The following KLHL30 variants were observed in gnomAD, a reference collection of about 807,000 sequenced individuals.
The protein encoded by KLHL30 is kelch-like protein 30.
KLHL30 carries 55 observed loss-of-function variants against 55.0 expected under a neutral mutation model. The ratio of observed to expected loss-of-function variants is 1.00; its 90% CI spans 0.80 to 1.25. The LOEUF is 1.25. Ranked by LOEUF, KLHL30 falls within the 50% of genes most tolerant of loss-of-function variation. KLHL30 has a pLI of 0.00. For synonymous variants in KLHL30, 356 were observed against 372.6 expected (o/e 0.96, Z 0.51); for missense variants, 786 against 811.6 (o/e 0.97, Z 0.38).
Position 238,152,789 on chromosome 2 carries a change from T to C in KLHL30, c.*1724T>C, listed in dbSNP as rs544201257. The stretch of plus-strand genomic sequence containing the variant: ...GCAAGGGTGAGGGTTTCTGGGGCCC[T>C]GGGCTCTGTTTCCATGTGGAAATCT... On this transcript the variant is annotated 3_prime_UTR_variant, in exon 8 of 8. Transcript: ENST00000409223. 6.6e-6 allele frequency: 1 copy of C among 152,310 alleles called. No homozygotes were observed. Among genetic ancestry groups the C allele is most frequent in the East Asian group, 1.9e-4 (1 of 5,170 alleles). 9.4% of individuals were successfully genotyped at this position (152,310 alleles called of 1,614,324 possible). A position where few individuals can be genotyped will look rare whatever the true frequency, so the allele number is the denominator to read the frequency against.
In KLHL30 at chr2:238,144,427, G is replaced by GC. The variant is rs1426589721; in HGVS notation, c.908-475_908-474insC. Among the ~76,000 whole-genome samples, 507 of 98,990 alleles carry GC rather than the reference G, an allele frequency of 5.1e-3. 1 individual carries two copies. Among genetic ancestry groups the GC allele is most frequent in the African/African-American group, 8.2e-3 (207 of 25,210 alleles). The allele number at this position is 98,990 out of a possible 152,430, so 64.9% of individuals were successfully genotyped here. ...GGAAGGAAGGAAGGAAGGAAGGAAG[G>GC]AAGGAAGGCAGGCAGGCAGGCAGGC... On this transcript the variant is annotated intron_variant, in intron 3 of 7. Transcript: ENST00000409223.
At chr2:238,146,490 T>G (rs1692650674) in intron 5 of KLHL30, among the ~76,000 whole-genome samples, 1 of 151,386 alleles carries the variant, frequency 6.6e-6, no homozygotes, top group African/African-American at 2.4e-5. Context: ...CTCTGCAACC[T>G]CCATCTTCCA....
intron 5 of KLHL30, among the ~76,000 whole-genome samples, chr2:238,146,149 C>T (rs1324960918): frequency 6.6e-6 from 1 of 152,082 alleles, no homozygotes; most frequent in African/African-American, 2.4e-5. Context: ...GGGACGGCCA[C>T]ACCCACCCAC....
At position 238,150,847 on chromosome 2, in the gene KLHL30, G is replaced by A. The variant is rs773445797; in HGVS notation, c.1519G>A (p.Ala507Thr). 16 of 1,592,006 alleles carry A rather than the reference G, an allele frequency of 1.0e-5. No individual in the cohort carries two copies. The highest frequency in any genetic ancestry group is 3.5e-5 in the Admixed American group (2 of 57,072). ...ACAGCACAGCCTGCATGAGAATGGC[G>A]CGCTGGTGCCACTGGGTGATGCGCT... The part of the protein sequence containing the change: ...QSQHSLHENG[A>T]LVPLGDALYV... The change falls in exon 8 of 8, where the codon GCG becomes ACG. Residue 507 changes from alanine to threonine, a missense_variant. Transcript: ENST00000409223.
chr2:238,150,589 G>C (rs1692735993), intron 7 of KLHL30, among the ~76,000 whole-genome samples: 1 of 152,180 alleles, frequency 6.6e-6, no homozygotes, highest in Non-Finnish European at 1.5e-5. Context: ...CATCCCAAGG[G>C]CTGAGGGTCA....
intron 3 of KLHL30, among the ~76,000 whole-genome samples, chr2:238,144,402 G>GGAAT (rs1559275847): frequency 2.4e-4 from 27 of 114,458 alleles, no homozygotes; most frequent in Admixed American, 1.3e-3. Flanking sequence ...AAGGAAGGAA[G>GGAAT]GAAGGAAGGA....
At chr2:238,149,249 G>A in intron 7 of KLHL30, 97 bp downstream of exon 7, 7 of 1,508,892 alleles carry the variant, frequency 4.6e-6, no homozygotes, top group Non-Finnish European at 6.3e-6. Context: ...TGCCACAGAG[G>A]GCCCACTGCG....
intron 6 of KLHL30, 36 bp downstream of exon 6, chr2:238,148,058 C>T: frequency 1.5e-6 from 2 of 1,345,904 alleles, no homozygotes; most frequent in Non-Finnish European, 1.9e-6. Context: ...TAGAGGACCA[C>T]AGGCCCCTCT....
intron 6 of KLHL30, 61 bp downstream of exon 6, chr2:238,148,083 C>G (rs573593288): frequency 1.5e-6 from 2 of 1,311,552 alleles, no homozygotes; most frequent in Admixed American, 7.7e-5. Flanking sequence ...GGCGACAGTC[C>G]GCTCGTAGTG....
intron 3 of KLHL30, among the ~76,000 whole-genome samples, chr2:238,144,437 AGGCAGGCAGGCAGGCAGGCAGGC>A (rs1692610025): frequency 6.5e-5 from 6 of 92,224 alleles, no homozygotes; most frequent in Non-Finnish European, 6.9e-5. Context: ...GAAGGAAGGC[AGGCAGGCAGGCAGGCAGGCAGGC>A]AGGCAGGCAG....
rs753617732 is a variant in KLHL30, at chr2:238,141,309, C to T, written c.555C>T (p.Gly185=). 3.8e-6 allele frequency: 6 copies of T among 1,596,276 alleles called. No individual in the cohort carries two copies. The highest frequency in any genetic ancestry group is 1.1e-5 in the South Asian group (1 of 90,388). ...PRERLVTCLA[G]DLLQVQPEQS... is the part of the protein sequence containing the mutation. ...AGCGGCTGGTCACTTGTCTGGCCGG[C>T]GACCTGCTGCAGGTACAGCCGGAGC... The change falls in exon 2 of 8, where the codon GGC becomes GGT. Residue 185 remains glycine, a synonymous_variant. Transcript: ENST00000409223.
Position 238,149,070 on chromosome 2 carries a change from C to T in KLHL30, c.1403C>T (p.Ala468Val), listed in dbSNP as rs780355867. Reference sequence around the variant, plus strand: ...TACCTGTCCTCGCCTCGCTGTGCTGCACTGCACGGGGAGCTCTACCTCATT... The same window carrying T: ...TACCTGTCCTCGCCTCGCTGTGCTGTACTGCACGGGGAGCTCTACCTCATT... ...PKYLSSPRCA[A>V]LHGELYLIGD... Residue 468 changes from alanine (A) to valine (V), a missense_variant, in exon 7 of 8, where the codon GCA becomes GTA. Physicochemically the swap from Ala to Val is moderately conservative, Grantham distance 64. Coordinates refer to ENST00000409223, the MANE Select transcript of KLHL30 (RefSeq NM_198582.4). 1.1e-5 allele frequency: 17 copies of T among 1,613,200 alleles called. No individual in the cohort carries two copies. The highest frequency in any genetic ancestry group is 1.4e-5 in the Non-Finnish European group (16 of 1,179,860).
Position 238,141,394 on chromosome 2 carries a change from C to T in KLHL30, c.640C>T (p.His214Tyr). The T allele has an allele frequency of 6.3e-7, 1 of 1,586,668 alleles. No individual in the cohort carries two copies. The highest frequency in any genetic ancestry group is 8.5e-7 in the Non-Finnish European group (1 of 1,172,146). ...CCATGACCCGCAGGCCCGGGCCGCC[C>T]ACCTGCCCGAGCTGCTCAGCCTAGT... ...VRHDPQARAA[H>Y]LPELLSLVHL... The change falls in exon 2 of 8, where the codon CAC (histidine) becomes TAC (tyrosine). Residue 214 changes from histidine (H) to tyrosine (Y), a missense_variant. By Grantham distance (83) the His-to-Tyr change is moderately conservative. Coordinates refer to ENST00000409223, the MANE Select transcript of KLHL30 (RefSeq NM_198582.4).
chr2:238,144,420 A>AGGCAGGCAGGCAGGCAGGCAGGC (rs1692604143), intron 3 of KLHL30, among the ~76,000 whole-genome samples: 1 of 98,914 alleles, frequency 1.0e-5, no homozygotes, highest in African/African-American at 4.0e-5. Context: ...GGAAGGAAGG[A>AGGCAGGCAGGCAGGCAGGCAGGC]AGGAAGGAAG....
In KLHL30 at chr2:238,141,432, C is replaced by G; in HGVS notation, c.678C>G (p.Ala226=). 1.3e-6 allele frequency: 2 copies of G among 1,556,750 alleles called. No homozygotes were observed. Among genetic ancestry groups the G allele is most frequent in the South Asian group, 1.2e-5 (1 of 85,932 alleles). Residue 226 remains alanine, a synonymous_variant, in exon 2 of 8, where the codon GCC becomes GCG. Transcript: ENST00000409223. ...PELLSLVHLD[A]VPRPCVQQLL... is the part of the protein sequence containing the mutation. The stretch of plus-strand genomic sequence containing the variant: ...TGCTCAGCCTAGTGCACCTGGACGC[C>G]GTGCCCAGGCCCTGCGTGCAGCAAC...
intron 3 of KLHL30, among the ~76,000 whole-genome samples, chr2:238,143,216 G>C (rs186577580): frequency 6.6e-6 from 1 of 152,216 alleles, no homozygotes; most frequent in African/African-American, 2.4e-5. Flanking sequence ...AGGCCTCCAC[G>C]GCCAAGACTG....
rs1692519844 is a variant in KLHL30 at position 238,140,883 on chromosome 2, G to A, written c.129G>A (p.Glu43=). 2.5e-6 allele frequency: 4 copies of A among 1,611,192 alleles called. No homozygotes were observed. The highest frequency in any genetic ancestry group is 2.2e-5 in the East Asian group (1 of 44,830). ...TCACACTGCTGGTGGGCGGCCGGGAGCTGCCATGCCACCGCGGCCTCCTGG... is the reference window on the plus strand; with the variant it reads ...TCACACTGCTGGTGGGCGGCCGGGAACTGCCATGCCACCGCGGCCTCCTGG... The part of the protein sequence containing the change: ...ADVTLLVGGR[E]LPCHRGLLAL... The change falls in exon 2 of 8, where the codon GAG becomes GAA. Residue 43 remains glutamate, a synonymous_variant. Coordinates refer to ENST00000409223, the MANE Select transcript of KLHL30 (RefSeq NM_198582.4).
At chr2:238,148,239 C>T (rs111246390) in intron 6 of KLHL30, among the ~76,000 whole-genome samples, 2,828 of 152,238 alleles carry the variant, frequency 0.019, 89 homozygotes, top group African/African-American at 0.065. Flanking sequence ...CCGCAGAGTC[C>T]CAGCACAGAG....
chr2:238,141,617 G>C, intron 2 of KLHL30, 89 bp downstream of exon 2: 1 of 1,345,100 alleles, frequency 7.4e-7, no homozygotes, highest in Non-Finnish European at 9.7e-7. Flanking sequence ...GTAAGGAGTG[G>C]ACATTCCAAG....
Sources: allele counts gnomAD v4.1 joint callset (sites outside exome capture counted in the v4.1 genomes callset), GRCh38; gene constraint gnomAD v4.1.1; transcripts MANE v1.5; gene names NCBI Gene and HGNC (gene_info 2026-07-23, HGNC 2026-07-21).